Variants in COG5 observed in about 807,000 individuals in gnomAD.
COG5 encodes the protein component of oligomeric golgi complex 5, also known as conserved oligomeric Golgi complex subunit 5.
A neutral mutation model predicts 110.4 loss-of-function variants in COG5; 86 were observed. That is an observed-to-expected ratio of 0.78 (90% CI 0.65 to 0.93). The LOEUF is 0.93. Ranked by LOEUF, COG5 falls within the 40% of genes least tolerant of loss-of-function variation. The pLI is 0.00. For missense variants in COG5, 1,077 were observed against 987.0 expected, an observed-to-expected ratio of 1.09 and a Z score of -1.22; for synonymous variants, 360 against 334.6, an observed-to-expected ratio of 1.08 and a Z score of -0.83.
intron 11 of COG5, among the ~76,000 whole-genome samples, chr7:107,300,734 C>T (rs1807188092): frequency 6.6e-6 from 1 of 152,006 alleles, no homozygotes; most frequent in African/African-American, 2.4e-5. Flanking sequence ...TAAATTATCC[C>T]TAAATTAATC....
At chr7:107,523,126 T>A (rs2129153396) in intron 6 of COG5, among the ~76,000 whole-genome samples, 1 of 152,308 alleles carries the variant, frequency 6.6e-6, no homozygotes, top group South Asian at 2.1e-4. Flanking sequence ...TAAACAATAT[T>A]AAGTCTTCCA....
At chr7:107,402,687 G>T (rs1381397172) in intron 7 of COG5, among the ~76,000 whole-genome samples, 1 of 152,190 alleles carries the variant, frequency 6.6e-6, no homozygotes, top group African/African-American at 2.4e-5. Flanking sequence ...GAGTAGAAAA[G>T]AGAGAAATGG....
intron 11 of COG5, 43 bp from the exon 12 acceptor site, chr7:107,298,389 T>C (rs754564519): frequency 4.5e-5 from 67 of 1,493,618 alleles, no homozygotes; most frequent in Admixed American, 7.0e-5. Flanking sequence ...AATAATAAAA[T>C]GTAGTAAATG....
chr7:107,513,351 C>G (rs1040995724), intron 6 of COG5, among the ~76,000 whole-genome samples: 56 of 151,966 alleles, frequency 3.7e-4, no homozygotes, highest in Non-Finnish European at 6.8e-4. Flanking sequence ...CAATGAGATA[C>G]CATCTCACAC....
At chr7:107,249,137 C>T (rs960092493) in intron 16 of COG5, among the ~76,000 whole-genome samples, 2 of 152,100 alleles carry the variant, frequency 1.3e-5, no homozygotes, top group Admixed American at 1.3e-4. Flanking sequence ...TCTAATAGGG[C>T]ACAACAGTTG....
chr7:107,509,046 A>C (rs1262240177), intron 6 of COG5, among the ~76,000 whole-genome samples: 1 of 152,242 alleles, frequency 6.6e-6, no homozygotes, highest in Admixed American at 6.5e-5. Flanking sequence ...AGCTGGAAGG[A>C]GAATGACTTT....
intron 19 of COG5, among the ~76,000 whole-genome samples, chr7:107,219,541 T>A (rs961444870): frequency 6.6e-6 from 1 of 152,204 alleles, no homozygotes; most frequent in African/African-American, 2.4e-5. Context: ...ACAACACGGA[T>A]GAGCCTGGAG....
chr7:107,396,938 TA>T (rs1791060052), intron 7 of COG5, among the ~76,000 whole-genome samples: 1 of 152,190 alleles, frequency 6.6e-6, no homozygotes, highest in Admixed American at 6.5e-5. Flanking sequence ...TTAAATATAA[TA>T]AAATGTAAAG....
At chr7:107,402,890 GA>G (rs1791542529) in intron 7 of COG5, among the ~76,000 whole-genome samples, 1 of 152,170 alleles carries the variant, frequency 6.6e-6, no homozygotes, top group Non-Finnish European at 1.5e-5. Flanking sequence ...TTCCGATACA[GA>G]AGTAATAAGA....
intron 17 of COG5, among the ~76,000 whole-genome samples, chr7:107,241,939 A>T (rs1801673860): frequency 6.6e-6 from 1 of 151,756 alleles, no homozygotes; most frequent in Admixed American, 6.6e-5. Context: ...ACACCACGAC[A>T]CCCAGCTAAT....
At position 107,201,411 on chromosome 7, in the gene COG5, C is replaced by G; in HGVS notation, c.*2105G>C. The G allele has an allele frequency of 6.4e-7, 1 of 1,568,558 alleles. No homozygotes were observed. The highest frequency in any genetic ancestry group is 1.1e-5 in the South Asian group (1 of 89,606). ...TTCACTGAGTTTAATTTTATTTCCA[C>G]AGGGCTCACAACAACATTAAACCAG... On this transcript the variant is annotated 3_prime_UTR_variant, in exon 22 of 22. Coordinates refer to ENST00000297135, the MANE Select transcript of COG5 (RefSeq NM_006348.5).
chr7:107,428,269 T>A (rs979556793), intron 6 of COG5, among the ~76,000 whole-genome samples: 4 of 152,130 alleles, frequency 2.6e-5, no homozygotes, highest in African/African-American at 4.8e-5. Context: ...TTAGGATTTG[T>A]CTGCCTCCTG....
chr7:107,504,705 A>G (rs1798855405), intron 6 of COG5, among the ~76,000 whole-genome samples: 1 of 151,702 alleles, frequency 6.6e-6, no homozygotes, highest in Non-Finnish European at 1.5e-5. Flanking sequence ...CAGGGTTTCT[A>G]TTTCTTCCGG....
At chr7:107,253,908 C>G (rs1361733515) in intron 16 of COG5, among the ~76,000 whole-genome samples, 2 of 152,036 alleles carry the variant, frequency 1.3e-5, no homozygotes, top group Non-Finnish European at 2.9e-5. Context: ...ATTGGAGAGG[C>G]CTATATAAAA....
At chr7:107,307,785 G>C (rs529085348) in intron 11 of COG5, among the ~76,000 whole-genome samples, 9 of 150,972 alleles carry the variant, frequency 6.0e-5, no homozygotes, top group African/African-American at 1.9e-4. Context: ...GTGGGGTGAG[G>C]AATAGAAGAC....
At chr7:107,532,802 C>A (rs1314529712) in intron 5 of COG5, among the ~76,000 whole-genome samples, 1 of 152,210 alleles carries the variant, frequency 6.6e-6, no homozygotes, top group African/African-American at 2.4e-5. Flanking sequence ...ACAAACACTA[C>A]AGTCAAAAGT....
chr7:107,465,907 C>A (rs564149311), intron 6 of COG5, among the ~76,000 whole-genome samples: 8 of 152,198 alleles, frequency 5.3e-5, no homozygotes, highest in South Asian at 4.1e-4. Context: ...TCCCCCAGCA[C>A]AGCATAAGAG....
At chr7:107,270,618 A>G (rs1804178060) in intron 14 of COG5, among the ~76,000 whole-genome samples, 1 of 148,540 alleles carries the variant, frequency 6.7e-6, no homozygotes, top group African/African-American at 2.4e-5. Flanking sequence ...CCAAGAAAAG[A>G]AAGATGTTAT....
chr7:107,273,573 T>A (rs1409059380), intron 14 of COG5, among the ~76,000 whole-genome samples: 1 of 152,206 alleles, frequency 6.6e-6, no homozygotes, highest in Admixed American at 6.5e-5. Flanking sequence ...AAATTGACTA[T>A]GTAATTGACC....
Sources: gnomAD v4.1 joint callset for allele counts (sites outside exome capture counted in the v4.1 genomes callset) on GRCh38, gnomAD v4.1.1 for gene constraint, MANE v1.5 for transcripts, NCBI Gene and HGNC (gene_info 2026-07-23, HGNC 2026-07-21) for gene names.